SYN2: variants seen among roughly 807,000 people sequenced by gnomAD.
SYN2 encodes synapsin-2.
SYN2 carries 19 observed loss-of-function variants against 50.9 expected under a neutral mutation model. The ratio of observed to expected loss-of-function variants is 0.37; its 90% CI spans 0.26 to 0.55. SYN2 has a LOEUF of 0.55. Among genes scored for constraint, SYN2 ranks in the 20% least tolerant of loss-of-function variants. The pLI is 0.81. For missense variants in SYN2, 587 were observed against 576.4 expected (o/e 1.02, Z -0.19); for synonymous variants, 255 against 224.9 (o/e 1.13, Z -1.20).
intron 4 of SYN2, among the ~76,000 whole-genome samples, chr3:12,147,595 G>A (rs959827295): frequency 2.6e-5 from 4 of 152,086 alleles, no homozygotes; most frequent in Admixed American, 1.3e-4. Context: ...CGGCACACGT[G>A]TCCTAACCCA....
chr3:12,164,603 G>T (rs1325567401), intron 7 of SYN2, among the ~76,000 whole-genome samples: 1 of 152,178 alleles, frequency 6.6e-6, no homozygotes, highest in Non-Finnish European at 1.5e-5. Context: ...TGTGAAGAAG[G>T]TACCATTCCT....
intron 4 of SYN2, 63 bp downstream of exon 4, chr3:12,145,898 C>A: frequency 6.3e-7 from 1 of 1,595,612 alleles, no homozygotes; most frequent in Non-Finnish European, 8.6e-7. Flanking sequence ...CTCCCAGGTC[C>A]CTAGCAGGGA....
intron 1 of SYN2, among the ~76,000 whole-genome samples, chr3:12,050,340 ATTTTTTTT>A (rs397877649): frequency 1.8e-5 from 2 of 113,314 alleles, no homozygotes; most frequent in Middle Eastern, 4.7e-3. Context: ...GTTTGGAATG[ATTTTTTTT>A]TTTTTTTTTT....
intron 1 of SYN2, among the ~76,000 whole-genome samples, chr3:12,104,436 T>C (rs898872380): frequency 5.9e-5 from 9 of 151,654 alleles, no homozygotes; most frequent in African/African-American, 2.2e-4. Flanking sequence ...CATCAAAAAA[T>C]CAGTAAAGAT....
chr3:12,058,169 C>T (rs752217420), intron 1 of SYN2, among the ~76,000 whole-genome samples: 1 of 152,100 alleles, frequency 6.6e-6, no homozygotes, highest in African/African-American at 2.4e-5. Context: ...ATTTGGTAGA[C>T]CATTTGCATG....
chr3:12,190,428 G>A (rs368872639), intron 12 of SYN2, 62 bp from the exon 13 acceptor site: 62 of 1,590,794 alleles, frequency 3.9e-5, no homozygotes, highest in East Asian at 4.5e-5. Flanking sequence ...TCACGTCACC[G>A]TCCTTCCCTG....
At chr3:12,116,992 C>A (rs1696448348) in intron 1 of SYN2, among the ~76,000 whole-genome samples, 1 of 152,118 alleles carries the variant, frequency 6.6e-6, no homozygotes, top group Non-Finnish European at 1.5e-5. Context: ...CTTAAGCAAT[C>A]TTCCTGCCTT....
chr3:12,016,409 T>C (rs932712032), intron 1 of SYN2, among the ~76,000 whole-genome samples: 2 of 152,226 alleles, frequency 1.3e-5, no homozygotes, highest in African/African-American at 4.8e-5. Flanking sequence ...GTAGGACTTA[T>C]AGAGAATCTC....
At chr3:12,080,134 G>A (rs1695555249) in intron 1 of SYN2, among the ~76,000 whole-genome samples, 1 of 152,060 alleles carries the variant, frequency 6.6e-6, no homozygotes, top group African/African-American at 2.4e-5. Flanking sequence ...TATTTCTGTG[G>A]GGTCAGTGGT....
intron 7 of SYN2, among the ~76,000 whole-genome samples, chr3:12,166,727 A>G (rs1207903078): frequency 1.3e-5 from 2 of 152,226 alleles, no homozygotes; most frequent in Admixed American, 1.3e-4. Context: ...ATTGGAAGAT[A>G]TTCATAAAGA....
intron 7 of SYN2, among the ~76,000 whole-genome samples, chr3:12,164,465 C>A (rs962525589): frequency 2.0e-5 from 3 of 152,200 alleles, no homozygotes; most frequent in African/African-American, 7.2e-5. Context: ...CACACTTCTT[C>A]CCCAAACTTG....
chr3:12,108,821 A>C lies in SYN2; in HGVS notation c.378-31830A>C, dbSNP rs979300815. Among the ~76,000 whole-genome samples, 10 of 145,572 alleles carry C rather than the reference A, an allele frequency of 6.9e-5. No individual in the cohort carries two copies. The South Asian group carries it at 2.0e-3, about 29-fold the overall frequency. On this transcript the variant is annotated intron_variant, in intron 1 of 12. Transcript: ENST00000621198. ...GTTGGTTGGGTTTAAAAAAAAAAAA[A>C]CATATAATCAGTTTAGGAGCCAGTT...
rs112883747 is a variant in SYN2 at position 12,141,989 on chromosome 3, G to A, written c.520G>A (p.Val174Ile). 2.0e-5 allele frequency: 16 copies of A among 780,698 alleles called. No homozygotes were observed. Among genetic ancestry groups the A allele is most frequent in the African/African-American group, 2.0e-4 (12 of 59,142 alleles). 48.4% of individuals were successfully genotyped at this position (780,698 alleles called of 1,614,324 possible). A position where few individuals can be genotyped will look rare whatever the true frequency, so the allele number is the denominator to read the frequency against. Residue 174 changes from valine to isoleucine, a missense_variant, in exon 3 of 13, where the codon GTT becomes ATT. Coordinates refer to ENST00000621198, the MANE Select transcript of SYN2 (RefSeq NM_133625.6). ...DMQVLRNGTK[V>I]VRSFRPDFVL... is the part of the protein sequence containing the mutation. ...GCAGGTTCTCCGGAATGGCACAAAGGTTGTCCGGTAAGGGTCTTTCTGTCC... is the reference window on the plus strand; with the variant it reads ...GCAGGTTCTCCGGAATGGCACAAAGATTGTCCGGTAAGGGTCTTTCTGTCC...
intron 1 of SYN2, among the ~76,000 whole-genome samples, chr3:12,039,549 A>ATTTTTT (rs60746238): frequency 1.4e-4 from 16 of 117,996 alleles, no homozygotes; most frequent in East Asian, 5.5e-4. Context: ...AGAAGCAAAG[A>ATTTTTT]TTTTTTTTTT....
chr3:12,040,056 A>C (rs941917385), intron 1 of SYN2, among the ~76,000 whole-genome samples: 2 of 152,196 alleles, frequency 1.3e-5, no homozygotes, highest in African/African-American at 2.4e-5. Context: ...ATTAAAGTAC[A>C]AAGTATGCTG....
intron 4 of SYN2, 45 bp downstream of exon 4, chr3:12,145,880 C>G: frequency 6.2e-7 from 1 of 1,607,008 alleles, no homozygotes; most frequent in Non-Finnish European, 8.5e-7. Flanking sequence ...AGGATTCAGG[C>G]CCTACATCTC....
intron 1 of SYN2, among the ~76,000 whole-genome samples, chr3:12,064,730 A>G (rs1409202548): frequency 6.6e-6 from 1 of 152,098 alleles, no homozygotes; most frequent in Non-Finnish European, 1.5e-5. Flanking sequence ...GAGAATAACA[A>G]GTGTTGGTGA....
intron 1 of SYN2, among the ~76,000 whole-genome samples, chr3:12,033,171 G>T (rs925480753): frequency 6.6e-6 from 1 of 151,920 alleles, no homozygotes; most frequent in African/African-American, 2.4e-5. Flanking sequence ...CTGCTGGGGG[G>T]TGCCTCCCAG....
chr3:12,152,742 A>G (rs1697337588), intron 5 of SYN2, among the ~76,000 whole-genome samples: 1 of 152,220 alleles, frequency 6.6e-6, no homozygotes, highest in Admixed American at 6.5e-5. Context: ...TGAAATAGGA[A>G]TGAAGATGTT....
Sources: allele counts gnomAD v4.1 joint callset (sites outside exome capture counted in the v4.1 genomes callset), GRCh38; gene constraint gnomAD v4.1.1; transcripts MANE v1.5; gene names NCBI Gene and HGNC (gene_info 2026-07-23, HGNC 2026-07-21).